The following NTNG1 variants were observed in gnomAD, a reference collection of about 807,000 sequenced individuals.
NTNG1 encodes netrin-G1.
Under a neutral mutation model 54.0 loss-of-function variants are expected in NTNG1, and 16 were observed. The observed-to-expected ratio is 0.30, with a 90% CI of 0.20 to 0.45. The LOEUF is 0.45. NTNG1 is among the 20% of genes least tolerant of loss of function. The probability of loss-of-function intolerance (pLI) is 1.00; values close to 1 mark genes in which losing one functional copy is unlikely to be tolerated. For synonymous variants in NTNG1, 255 were observed against 263.1 expected (o/e 0.97, Z 0.30); for missense variants, 530 against 678.7 (o/e 0.78, Z 2.43).
chr1:107,440,792 A>C (rs989012637), intron 7 of NTNG1, among the ~76,000 whole-genome samples: 1 of 152,082 alleles, frequency 6.6e-6, no homozygotes, highest in African/African-American at 2.4e-5. Context: ...GACATTTTAA[A>C]AACTCCAGGC....
At chr1:107,463,415 A>C (rs1201116553) in intron 7 of NTNG1, among the ~76,000 whole-genome samples, 1 of 152,178 alleles carries the variant, frequency 6.6e-6, no homozygotes, top group Non-Finnish European at 1.5e-5. Flanking sequence ...GGTCATAAAA[A>C]TCCATTTATC....
chr1:107,350,003 T>G (rs1025674058), intron 3 of NTNG1, among the ~76,000 whole-genome samples: 1 of 152,190 alleles, frequency 6.6e-6, no homozygotes, highest in Admixed American at 6.5e-5. Context: ...TTCCAAAGTG[T>G]TGTACTAATT....
chr1:107,484,863 G>A lies in NTNG1; in HGVS notation c.*4023G>A, dbSNP rs191286135. ...GGGAAATGGGTTGTTGTACTTTACCGGTTGTTAAACACTAAATAAAATACC... is the reference window on the plus strand; with the variant it reads ...GGGAAATGGGTTGTTGTACTTTACCAGTTGTTAAACACTAAATAAAATACC... On this transcript the variant is annotated 3_prime_UTR_variant, in exon 8 of 8. Transcript: ENST00000370068. Among the ~76,000 whole-genome samples, 18 of 152,310 alleles carry A rather than the reference G, an allele frequency of 1.2e-4. No homozygotes were observed. Among genetic ancestry groups the A allele is most frequent in the South Asian group, 4.1e-4 (2 of 4,828 alleles).
At position 107,162,676 on chromosome 1, in the gene NTNG1, G is replaced by C. The variant is rs1655495971; in HGVS notation, c.246+13837G>C. ...CAGGGGGCAACAAATTTTAAGAGTGGCACCTTACATCTGGCCACCCGAATT... is the reference window on the plus strand; with the variant it reads ...CAGGGGGCAACAAATTTTAAGAGTGCCACCTTACATCTGGCCACCCGAATT... On this transcript the variant is annotated intron_variant, in intron 2 of 7. Coordinates refer to ENST00000370068, the MANE Select transcript of NTNG1 (RefSeq NM_001113226.3). Among the ~76,000 whole-genome samples the C allele has an allele frequency of 2.0e-5, 3 of 152,120 alleles. No homozygotes were observed. The South Asian group carries it at 6.2e-4, about 32-fold the overall frequency.
intron 3 of NTNG1, among the ~76,000 whole-genome samples, chr1:107,351,792 A>G (rs1052008120): frequency 2.0e-5 from 3 of 152,238 alleles, no homozygotes; most frequent in Admixed American, 1.3e-4. Context: ...ATCTGAGATA[A>G]GGCAAGTTCC....
At chr1:107,289,777 T>C (rs1665461909) in intron 2 of NTNG1, among the ~76,000 whole-genome samples, 2 of 152,274 alleles carry the variant, frequency 1.3e-5, no homozygotes, top group South Asian at 4.1e-4. Context: ...TTTTGTTGAG[T>C]GTTCCCTGCA....
intron 4 of NTNG1, among the ~76,000 whole-genome samples, chr1:107,398,964 C>A (rs1233409863): frequency 2.0e-5 from 3 of 152,068 alleles, no homozygotes; most frequent in African/African-American, 7.2e-5. Flanking sequence ...ACATGTTTTT[C>A]TATATATAGA....
intron 4 of NTNG1, among the ~76,000 whole-genome samples, chr1:107,402,041 T>A (rs1387614583): frequency 6.6e-6 from 1 of 152,138 alleles, no homozygotes; most frequent in Non-Finnish European, 1.5e-5. Context: ...AAGCAGCAAA[T>A]TCTCCCCTTG....
intron 2 of NTNG1, among the ~76,000 whole-genome samples, chr1:107,260,288 G>A (rs1663225520): frequency 6.6e-6 from 1 of 152,174 alleles, no homozygotes; most frequent in Admixed American, 6.5e-5. Context: ...CTCTAAAGAG[G>A]CTTTGGCGAA....
intron 2 of NTNG1, among the ~76,000 whole-genome samples, chr1:107,227,372 A>T (rs1342032911): frequency 6.6e-6 from 1 of 151,910 alleles, no homozygotes; most frequent in Admixed American, 6.6e-5. Context: ...TCTCCCTAGG[A>T]CTCAACCTTG....
intron 3 of NTNG1, among the ~76,000 whole-genome samples, chr1:107,359,413 G>A (rs1364422481): frequency 6.6e-6 from 1 of 152,112 alleles, no homozygotes; most frequent in Non-Finnish European, 1.5e-5. Flanking sequence ...TCAGAGAATG[G>A]CTTAAGAGAA....
At chr1:107,146,478 A>G (rs1654126131) in intron 1 of NTNG1, among the ~76,000 whole-genome samples, 1 of 152,102 alleles carries the variant, frequency 6.6e-6, no homozygotes. Flanking sequence ...ATCTGAAAAA[A>G]AGCAGAAGGC....
chr1:107,354,796 C>T (rs1169101819), intron 3 of NTNG1, among the ~76,000 whole-genome samples: 5 of 152,294 alleles, frequency 3.3e-5, no homozygotes, highest in Middle Eastern at 3.4e-3. Context: ...ACTGGACACT[C>T]TCAGAGAGCC....
chr1:107,337,075 T>A (rs188005780), intron 3 of NTNG1, among the ~76,000 whole-genome samples: 21 of 152,054 alleles, frequency 1.4e-4, no homozygotes, highest in African/African-American at 5.1e-4. Context: ...AAACTAAACA[T>A]AAAATTGCCA....
At chr1:107,383,123 C>T (rs918894719) in intron 3 of NTNG1, among the ~76,000 whole-genome samples, 17 of 152,266 alleles carry the variant, frequency 1.1e-4, no homozygotes, top group Admixed American at 2.6e-4. Context: ...TGATCCATTT[C>T]TAATCAGAGT....
At chr1:107,454,593 T>C (rs1386557362) in intron 7 of NTNG1, among the ~76,000 whole-genome samples, 1 of 149,680 alleles carries the variant, frequency 6.7e-6, no homozygotes, top group East Asian at 1.9e-4. Context: ...TGTCAAAAAT[T>C]TAGATAAATA....
At chr1:107,382,895 T>A (rs1671735689) in intron 3 of NTNG1, among the ~76,000 whole-genome samples, 1 of 151,700 alleles carries the variant, frequency 6.6e-6, no homozygotes, top group Non-Finnish European at 1.5e-5. Flanking sequence ...CTAGGTGCAC[T>A]CTTCTCTATT....
At chr1:107,313,485 A>G (rs951585437) in intron 2 of NTNG1, among the ~76,000 whole-genome samples, 2 of 152,152 alleles carry the variant, frequency 1.3e-5, no homozygotes, top group African/African-American at 4.8e-5. Context: ...ATCATATCTG[A>G]AGACAGAATT....
At chr1:107,224,976 A>G (rs1468857676) in intron 2 of NTNG1, among the ~76,000 whole-genome samples, 1 of 152,152 alleles carries the variant, frequency 6.6e-6, no homozygotes. Flanking sequence ...TGAGTAGTGA[A>G]TAAGATAATG....
Sources: gnomAD v4.1 joint callset for allele counts (sites outside exome capture counted in the v4.1 genomes callset) on GRCh38, gnomAD v4.1.1 for gene constraint, MANE v1.5 for transcripts, NCBI Gene and HGNC (gene_info 2026-07-23, HGNC 2026-07-21) for gene names.